Variants in CTR9 observed in about 807,000 individuals in gnomAD.
CTR9 encodes RNA polymerase-associated protein CTR9 homolog.
A neutral mutation model predicts 152.1 loss-of-function variants in CTR9; 41 were observed. The observed-to-expected ratio is 0.27, with a 90% confidence interval of 0.21 to 0.35. The LOEUF is 0.35. Ranked by LOEUF, CTR9 falls within the 10% of genes least tolerant of loss-of-function variation. CTR9 has a pLI of 1.00. For missense variants in CTR9, 917 were observed against 1,424.4 expected (o/e 0.64, Z 5.73); for synonymous variants, 476 against 496.2 (o/e 0.96, Z 0.54).
chr11:10,772,603 C>T lies in CTR9; in HGVS notation c.2528C>T (p.Ala843Val), dbSNP rs2135381456. ...GATGAAGAAGAGCGGGAGCTGCGGG[C>T]CAAGCAAGAGCAAGAAAAGGAGCTG... is the stretch of plus-strand genomic sequence containing the variant. The part of the protein sequence containing the change: ...KQDEEERELR[A>V]KQEQEKELLR... Residue 843 changes from alanine to valine, a missense_variant, in exon 20 of 25, where the codon GCC (alanine) becomes GTC (valine). Transcript: ENST00000361367. 6.2e-7 allele frequency: 1 copy of T among 1,611,156 alleles called. No homozygotes were observed.
In CTR9 at chr11:10,771,536, T is replaced by G; in HGVS notation, c.2373-9T>G. On this transcript the variant is annotated splice_polypyrimidine_tract_variant and intron_variant, in intron 18 of 24. Transcript: ENST00000361367. ...TTTTAAAAGTGAAGTATTTTCTCGT[T>G]TCATTTAGATACTTCAGTTATTTGA... 6.3e-7 allele frequency: 1 copy of G among 1,577,240 alleles called. No individual in the cohort carries two copies. The highest frequency in any genetic ancestry group is 8.7e-7 in the Non-Finnish European group (1 of 1,148,332).
At position 10,775,268 on chromosome 11, in the gene CTR9, A is replaced by G; in HGVS notation, c.2947A>G (p.Lys983Glu). ...DETENGPKPKKRRPPKAEKKK... is the reference protein window; with the variant it reads ...DETENGPKPKERRPPKAEKKK... ...AACAGAAAATGGCCCCAAACCAAAA[A>G]AACGACGTCCACCAAAAGCAGAGAA... The change falls in exon 23 of 25, where the codon AAA becomes GAA. Residue 983 changes from lysine (K) to glutamate (E), a missense_variant. Transcript: ENST00000361367. The G allele has an allele frequency of 6.2e-7, 1 of 1,614,144 alleles. No homozygotes were observed. The highest frequency in any genetic ancestry group is 8.5e-7 in the Non-Finnish European group (1 of 1,180,004).
intron 24 of CTR9, among the ~76,000 whole-genome samples, chr11:10,776,857 C>T (rs1181851029): frequency 6.7e-6 from 1 of 150,290 alleles, no homozygotes; most frequent in African/African-American, 2.4e-5. Context: ...CCTGTAATCC[C>T]AGCTACTAGG....
chr11:10,771,939 A>G (rs1863149086), intron 19 of CTR9, among the ~76,000 whole-genome samples: 1 of 152,188 alleles, frequency 6.6e-6, no homozygotes, highest in African/African-American at 2.4e-5. Context: ...CTGTGCTTTG[A>G]GAGGACATTT....
chr11:10,757,017 A>G (rs1182210726), intron 5 of CTR9, among the ~76,000 whole-genome samples, 179 bp downstream of exon 5: 2 of 152,178 alleles, frequency 1.3e-5, no homozygotes, highest in Non-Finnish European at 1.5e-5. Context: ...GCCAGGTGCA[A>G]TGGCTCATGC....
At position 10,773,229 on chromosome 11, in the gene CTR9, A is replaced by G. The variant is rs772854824; in HGVS notation, c.2683A>G (p.Thr895Ala). 3 of 1,613,288 alleles carry G rather than the reference A, an allele frequency of 1.9e-6. No homozygotes were observed. The East Asian group carries it at 6.7e-5, about 36-fold the overall frequency. Reference sequence around the variant, plus strand: ...AAATATTCTTATGTTTACTGGTGAGACTGAAGCAACAAAAGAGAAGAAAAG... The same window carrying G: ...AAATATTCTTATGTTTACTGGTGAGGCTGAAGCAACAAAAGAGAAGAAAAG... ...TKNILMFTGE[T>A]EATKEKKRGG... Residue 895 changes from threonine (T) to alanine (A), a missense_variant, in exon 21 of 25, where the codon ACT becomes GCT. Coordinates refer to ENST00000361367, the MANE Select transcript of CTR9 (RefSeq NM_014633.5).
chr11:10,777,642 G>A (rs1180883511), intron 24 of CTR9, among the ~76,000 whole-genome samples: 1 of 152,168 alleles, frequency 6.6e-6, no homozygotes, highest in Non-Finnish European at 1.5e-5. Flanking sequence ...TGTACCTGAG[G>A]TCAAGGCCAA....
intron 24 of CTR9, among the ~76,000 whole-genome samples, chr11:10,777,090 T>C (rs1467747866): frequency 6.6e-6 from 1 of 150,476 alleles, no homozygotes; most frequent in Non-Finnish European, 1.5e-5. Context: ...GTGGTAGGAG[T>C]TGTAAGAGAT....
Position 10,752,706 on chromosome 11 carries a change from G to C in CTR9, c.80G>C (p.Gly27Ala). Residue 27 changes from glycine to alanine, a missense_variant, in exon 2 of 25, where the codon GGA (glycine) becomes GCA (alanine). This residue lies in a region of CTR9 where 14 missense variants were observed against 48.7 expected (regional missense o/e 0.29). Transcript: ENST00000361367. The part of the protein sequence containing the change: ...IELDFDQLPE[G>A]DEVISILKQE... ...CTTGACTTCGATCAGTTACCGGAGG[G>C]AGATGAAGTTATCAGTATTCTGAAA... is the stretch of plus-strand genomic sequence containing the variant. The C allele has an allele frequency of 6.2e-7, 1 of 1,613,958 alleles. No homozygotes were observed. The highest frequency in any genetic ancestry group is 8.5e-7 in the Non-Finnish European group (1 of 1,179,896).
chr11:10,760,346 G>T (rs749166748), intron 6 of CTR9, 25 bp downstream of exon 6: 2 of 1,598,740 alleles, frequency 1.3e-6, no homozygotes, highest in Non-Finnish European at 1.7e-6. Flanking sequence ...AAAGTATCTA[G>T]CTCCTAACTG....
At chr11:10,758,289 C>T (rs35219273) in intron 5 of CTR9, among the ~76,000 whole-genome samples, 12,394 of 151,902 alleles carry the variant, frequency 0.082, 1,073 homozygotes, top group East Asian at 0.49. Context: ...GAGTGGGGCT[C>T]AAGGGGAGGG....
rs181860286 is a variant in CTR9 at position 10,767,745 on chromosome 11, G to A, written c.1687-61G>A. On this transcript the variant is annotated intron_variant, in intron 13 of 24. Transcript: ENST00000361367. The surrounding 1 kb of genome is among the most constrained non-coding windows in gnomAD (Gnocchi z 4.0). Reference sequence around the variant, plus strand: ...CTTCAGTAATCAGCTATTGTGGGAAGATGATTGATCTCTGTCAAACTAAAC... The same window carrying A: ...CTTCAGTAATCAGCTATTGTGGGAAAATGATTGATCTCTGTCAAACTAAAC... 46 of 1,413,858 alleles carry A rather than the reference G, an allele frequency of 3.3e-5. No individual in the cohort carries two copies. The African/African-American group carries it at 6.4e-4, about 20-fold the overall frequency. The allele number at this position is 1,413,858 out of a possible 1,614,324, so 87.6% of individuals were successfully genotyped here.
intron 12 of CTR9, 96 bp from the exon 13 acceptor site, chr11:10,766,306 A>G (rs893016750): frequency 1.2e-6 from 1 of 864,106 alleles, no homozygotes; most frequent in African/African-American, 1.7e-5. Flanking sequence ...TTATGGCGGT[A>G]TTAATGAAAA....
intron 6 of CTR9, 80 bp downstream of exon 6, chr11:10,760,401 A>G (rs1162143762): frequency 1.5e-6 from 2 of 1,337,372 alleles, no homozygotes; most frequent in African/African-American, 1.5e-5. Flanking sequence ...TTGGAGCCAG[A>G]TGTGTCTTAG....
chr11:10,778,067 A>G (rs1389943914), intron 24 of CTR9, among the ~76,000 whole-genome samples: 1 of 152,180 alleles, frequency 6.6e-6, no homozygotes, highest in Non-Finnish European at 1.5e-5. Context: ...CTTGGGAGCA[A>G]AGGGAAATAA....
rs76650707 is a variant in CTR9, at chr11:10,762,541, G to A, written c.849+487G>A. On this transcript the variant is annotated intron_variant, in intron 7 of 24. Coordinates refer to ENST00000361367, the MANE Select transcript of CTR9 (RefSeq NM_014633.5). ...TGAAATAGTGTATAATATACTTATG[G>A]TAGGCAATGCTTTGGATTCAGATAG... 9.7e-3 allele frequency among the ~76,000 whole-genome samples: 1,474 copies of A among 152,278 alleles called. 17 individuals are homozygous for A. Among genetic ancestry groups the A allele is most frequent in the African/African-American group, 0.033 (1,389 of 41,548 alleles).
intron 22 of CTR9, among the ~76,000 whole-genome samples, chr11:10,774,695 CTT>C (rs1163872796): frequency 6.6e-6 from 1 of 152,238 alleles, no homozygotes; most frequent in Non-Finnish European, 1.5e-5. Flanking sequence ...TTGGCCCTCT[CTT>C]GTTGTGCTAT....
intron 2 of CTR9, among the ~76,000 whole-genome samples, chr11:10,753,304 A>G (rs915815015): frequency 6.6e-6 from 1 of 152,196 alleles, no homozygotes; most frequent in Non-Finnish European, 1.5e-5. Flanking sequence ...TCCAATCAGA[A>G]ACCCTAAAAT....
Position 10,751,476 on chromosome 11 carries a change from G to T in CTR9, c.45+19G>T. On this transcript the variant is annotated intron_variant, in intron 1 of 24. Transcript: ENST00000361367. ...TGACGAGGTAAGTGTCGTGTATGGA[G>T]GCGGGTGGGGGCCATGAACTTGTAC... 1 of 1,612,180 alleles carries T rather than the reference G, an allele frequency of 6.2e-7. No homozygotes were observed.
Sources: gnomAD v4.1 joint callset for allele counts (sites outside exome capture counted in the v4.1 genomes callset) on GRCh38, gnomAD v4.1.1 for gene constraint, gnomAD v4.1.1 regional missense constraint, Gnocchi (gnomAD v3.1) non-coding constraint, MANE v1.5 for transcripts, NCBI Gene and HGNC (gene_info 2026-07-23, HGNC 2026-07-21) for gene names.